The following ADAM9 variants were observed in gnomAD, a reference collection of about 807,000 sequenced individuals.
The protein encoded by ADAM9 is disintegrin and metalloproteinase domain-containing protein 9.
In ADAM9, 54 loss-of-function variants were observed where a neutral mutation model predicts 108.1. That is an observed-to-expected ratio of 0.50 (90% CI 0.40 to 0.63). The LOEUF (loss-of-function observed/expected upper bound fraction) is 0.63. Among genes scored for constraint, ADAM9 ranks in the 20% least tolerant of loss-of-function variants. The probability of loss-of-function intolerance (pLI) is 0.00; values close to 1 mark genes in which losing one functional copy is unlikely to be tolerated. For missense variants in ADAM9, 830 were observed against 997.7 expected, an observed-to-expected ratio of 0.83 and a Z score of 2.26; for synonymous variants, 316 against 336.0, an observed-to-expected ratio of 0.94 and a Z score of 0.65.
At chr8:39,021,162 C>A (rs189003218) in intron 7 of ADAM9, among the ~76,000 whole-genome samples, 1 of 152,152 alleles carries the variant, frequency 6.6e-6, no homozygotes, top group African/African-American at 2.4e-5. Context: ...TTCTTTTATT[C>A]CTGTCACTAC....
At chr8:39,075,611 T>G (rs1192309638) in intron 15 of ADAM9, among the ~76,000 whole-genome samples, 2 of 152,254 alleles carry the variant, frequency 1.3e-5, no homozygotes, top group Admixed American at 1.3e-4. Context: ...ATTTTTCTGT[T>G]GAAGTGATTT....
intron 1 of ADAM9, among the ~76,000 whole-genome samples, chr8:39,000,556 G>T (rs1835962970): frequency 6.6e-6 from 1 of 151,778 alleles, no homozygotes; most frequent in African/African-American, 2.4e-5. Flanking sequence ...CGAATTCCTG[G>T]GCTGAAGCAA....
chr8:39,100,178 T>G (rs1839643215), intron 20 of ADAM9, among the ~76,000 whole-genome samples: 1 of 151,842 alleles, frequency 6.6e-6, no homozygotes, highest in South Asian at 2.1e-4. Flanking sequence ...GATGTTTTGG[T>G]CTATGTATAC....
At position 38,997,016 on chromosome 8, in the gene ADAM9, G is replaced by T; in HGVS notation, c.-48G>T. The T allele has an allele frequency of 6.3e-7, 1 of 1,592,568 alleles. No individual in the cohort carries two copies. Among genetic ancestry groups the T allele is most frequent in the East Asian group, 2.3e-5 (1 of 44,328 alleles). ...GGGTTGGAAAATGATGGAAGAGGCG[G>T]AGGTGGAGGCGACCGAGTGCTGAGA... is the stretch of plus-strand genomic sequence containing the variant. On this transcript the variant is annotated 5_prime_UTR_variant, in exon 1 of 22. It introduces an in-frame stop codon into an upstream open reading frame of the 5' UTR. Transcript: ENST00000487273.
At chr8:39,017,764 ACAAC>A (rs1836588252) in intron 6 of ADAM9, among the ~76,000 whole-genome samples, 1 of 152,014 alleles carries the variant, frequency 6.6e-6, no homozygotes, top group Non-Finnish European at 1.5e-5. Flanking sequence ...CTAATTTAAA[ACAAC>A]TTTTTGTAGA....
chr8:39,076,678 A>C (rs976984979), intron 15 of ADAM9, among the ~76,000 whole-genome samples: 1 of 152,198 alleles, frequency 6.6e-6, no homozygotes, highest in East Asian at 1.9e-4. Flanking sequence ...TGGCAATAAG[A>C]ATTATGGTCA....
chr8:39,078,611 G>A (rs1464356979), intron 16 of ADAM9, among the ~76,000 whole-genome samples: 1 of 151,988 alleles, frequency 6.6e-6, no homozygotes, highest in Admixed American at 6.6e-5. Context: ...GTGAAACCTC[G>A]TCTCTACAGA....
At chr8:39,060,106 G>A (rs985277060) in intron 14 of ADAM9, among the ~76,000 whole-genome samples, 3 of 152,198 alleles carry the variant, frequency 2.0e-5, no homozygotes, top group Non-Finnish European at 4.4e-5. Flanking sequence ...AACTTGGTGG[G>A]TGGCCCATGG....
At chr8:38,999,101 C>A (rs1373426482) in intron 1 of ADAM9, among the ~76,000 whole-genome samples, 1 of 152,202 alleles carries the variant, frequency 6.6e-6, no homozygotes, top group East Asian at 1.9e-4. Context: ...ACTCTTGTTT[C>A]TCTCGGGGAA....
intron 8 of ADAM9, among the ~76,000 whole-genome samples, chr8:39,021,933 C>T (rs1246240730): frequency 6.6e-6 from 1 of 152,142 alleles, no homozygotes; most frequent in East Asian, 1.9e-4. Flanking sequence ...TTCATATTAG[C>T]ATCTACTTTA....
chr8:39,037,158 G>T (rs1420590514), intron 11 of ADAM9, among the ~76,000 whole-genome samples: 1 of 136,332 alleles, frequency 7.3e-6, no homozygotes, highest in Non-Finnish European at 1.5e-5. Flanking sequence ...CCGGGTTCAC[G>T]CCATTCTCCT....
At chr8:39,026,219 A>G (rs1485989212) in intron 10 of ADAM9, among the ~76,000 whole-genome samples, 1 of 152,094 alleles carries the variant, frequency 6.6e-6, no homozygotes, top group Non-Finnish European at 1.5e-5. Context: ...AGCCCCGCAT[A>G]TGTTAGGTAT....
chr8:38,998,893 C>T (rs1365102549), intron 1 of ADAM9, among the ~76,000 whole-genome samples: 3 of 152,114 alleles, frequency 2.0e-5, no homozygotes, highest in Non-Finnish European at 4.4e-5. Context: ...TGGGAAGAGT[C>T]TTCTATGCTG....
In ADAM9 at chr8:39,083,049, G is replaced by A; in HGVS notation, c.2044G>A (p.Val682Met). Residue 682 changes from valine to methionine, a missense_variant, in exon 18 of 22, where the codon GTG becomes ATG. Transcript: ENST00000487273. ...NCETKGYGGS[V>M]DSGPTYNEMN... ...TGAGACTAAAGGATACGGAGGAAGT[G>A]TGGACAGTGGACCTACATACAATGG... The A allele has an allele frequency of 1.2e-6, 2 of 1,613,858 alleles. No individual in the cohort carries two copies. The highest frequency in any genetic ancestry group is 8.5e-7 in the Non-Finnish European group (1 of 1,179,766).
Position 39,040,348 on chromosome 8 carries a change from C to T in ADAM9, c.1131-1598C>T, listed in dbSNP as rs187250906. Among the ~76,000 whole-genome samples, 14 of 152,160 alleles carry T rather than the reference C, an allele frequency of 9.2e-5. No individual in the cohort carries two copies. In the East Asian group the frequency reaches 2.3e-3, roughly 25 times the overall value. On this transcript the variant is annotated intron_variant, in intron 11 of 21. Transcript: ENST00000487273. ...ACAGCGGTGAGCCACCATACCTGGC[C>T]GTTATCTCTTTTTGATGGTAGTCAT...
intron 9 of ADAM9, 150 bp downstream of exon 9, chr8:39,023,475 C>A: frequency 1.2e-6 from 1 of 809,700 alleles, no homozygotes; most frequent in Non-Finnish European, 1.9e-6. Flanking sequence ...ATCATGAGAC[C>A]TCTTCTGTTT....
chr8:39,042,937 G>C (rs970373275), intron 12 of ADAM9, among the ~76,000 whole-genome samples: 1 of 152,040 alleles, frequency 6.6e-6, no homozygotes, highest in Non-Finnish European at 1.5e-5. Flanking sequence ...ACAAGCCCCT[G>C]ACCACCACTA....
At chr8:39,054,653 T>G in intron 13 of ADAM9, 80 bp downstream of exon 13, 6 of 1,213,236 alleles carry the variant, frequency 4.9e-6, no homozygotes, top group Non-Finnish European at 6.9e-6. Flanking sequence ...ATTTGTTTTT[T>G]GAGATTTCTG....
intron 16 of ADAM9, among the ~76,000 whole-genome samples, chr8:39,078,165 C>T (rs1030674134): frequency 6.6e-6 from 1 of 152,146 alleles, no homozygotes; most frequent in African/African-American, 2.4e-5. Flanking sequence ...AGTTCCAATT[C>T]TGTTTCTCAC....
Sources: allele counts gnomAD v4.1 joint callset (sites outside exome capture counted in the v4.1 genomes callset), GRCh38; gene constraint gnomAD v4.1.1; transcripts MANE v1.5; gene names NCBI Gene and HGNC (gene_info 2026-07-23, HGNC 2026-07-21).